DDX10: variants seen among roughly 807,000 people sequenced by gnomAD.
The protein encoded by DDX10 is DEAD-box helicase 10, also known as probable ATP-dependent RNA helicase DDX10.
In DDX10, 74 loss-of-function variants were observed where a neutral mutation model predicts 104.3. The observed-to-expected ratio is 0.71, with a 90% CI of 0.59 to 0.86. The LOEUF is 0.86. Ranked by LOEUF, DDX10 falls within the 40% of genes least tolerant of loss-of-function variation. The pLI is 0.00. For synonymous variants in DDX10, 351 were observed against 353.4 expected, an observed-to-expected ratio of 0.99 and a Z score of 0.08; for missense variants, 952 against 1,040.0, an observed-to-expected ratio of 0.92 and a Z score of 1.16.
intron 16 of DDX10, among the ~76,000 whole-genome samples, chr11:108,864,530 T>C (rs973264176): frequency 6.6e-6 from 1 of 152,072 alleles, no homozygotes; most frequent in Non-Finnish European, 1.5e-5. Context: ...TGGAGTACAG[T>C]GGCGTGATCT....
intron 13 of DDX10, among the ~76,000 whole-genome samples, chr11:108,788,794 C>G (rs1246349168): frequency 6.6e-6 from 1 of 152,198 alleles, no homozygotes; most frequent in East Asian, 1.9e-4. Context: ...TACTTAGCCA[C>G]ACAACTCTTT....
At chr11:108,890,976 T>G (rs1480332568) in intron 16 of DDX10, among the ~76,000 whole-genome samples, 1 of 152,120 alleles carries the variant, frequency 6.6e-6, no homozygotes, top group African/African-American at 2.4e-5. Flanking sequence ...TTCTCCCTGC[T>G]CTCCCTCTGT....
chr11:108,831,975 G>T (rs149951065), intron 13 of DDX10, among the ~76,000 whole-genome samples: 1 of 152,108 alleles, frequency 6.6e-6, no homozygotes, highest in East Asian at 1.9e-4. Flanking sequence ...TCTAGCATAC[G>T]TGTTGTAGAA....
chr11:108,676,933 TAAAC>T (rs2094226143), intron 3 of DDX10, 148 bp from the exon 4 acceptor site: 1 of 638,536 alleles, frequency 1.6e-6, no homozygotes, highest in South Asian at 2.4e-5. Flanking sequence ...TGATGGAAGA[TAAAC>T]AAAATCATTT....
intron 3 of DDX10, among the ~76,000 whole-genome samples, chr11:108,676,298 A>T (rs1396001472): frequency 6.6e-6 from 1 of 152,090 alleles, no homozygotes; most frequent in Non-Finnish European, 1.5e-5. Context: ...GAAAAATCTC[A>T]TTTTAGTTTT....
intron 13 of DDX10, among the ~76,000 whole-genome samples, chr11:108,770,100 A>C (rs1002609646): frequency 2.0e-5 from 3 of 152,208 alleles, no homozygotes; most frequent in African/African-American, 7.2e-5. Context: ...CCTCACACAG[A>C]TTGGTAGTGG....
At chr11:108,737,422 C>T (rs1394352844) in intron 13 of DDX10, among the ~76,000 whole-genome samples, 2 of 152,124 alleles carry the variant, frequency 1.3e-5, no homozygotes, top group Non-Finnish European at 2.9e-5. Context: ...TCTTGATATA[C>T]TGTTGGGCAG....
At chr11:108,803,381 G>A (rs1484528324) in intron 13 of DDX10, among the ~76,000 whole-genome samples, 1 of 151,724 alleles carries the variant, frequency 6.6e-6, no homozygotes, top group Non-Finnish European at 1.5e-5. Flanking sequence ...ATCACCTGCG[G>A]TCGTGAGTTT....
At chr11:108,793,249 C>T (rs1053129427) in intron 13 of DDX10, among the ~76,000 whole-genome samples, 12 of 152,268 alleles carry the variant, frequency 7.9e-5, no homozygotes, top group African/African-American at 2.9e-4. Flanking sequence ...AGCTGGGACT[C>T]ATTATATCCT....
At chr11:108,678,565 G>T in intron 5 of DDX10, 130 bp downstream of exon 5, 1 of 1,050,734 alleles carries the variant, frequency 9.5e-7, no homozygotes. Flanking sequence ...AAAAATTACT[G>T]AAACATTTTG....
intron 13 of DDX10, among the ~76,000 whole-genome samples, chr11:108,743,856 C>CT (rs1294686909): frequency 6.6e-6 from 1 of 152,128 alleles, no homozygotes; most frequent in Non-Finnish European, 1.5e-5. Flanking sequence ...ACACATGCTG[C>CT]TTGAACCCTT....
Position 108,875,383 on chromosome 11 carries a change from G to A in DDX10, c.2304+23174G>A, listed in dbSNP as rs545110329. ...AACCAGAAGGTTTGATGGGTCACAA[G>A]CTTGTGAAAAATTGCAGGTACTTCT... On this transcript the variant is annotated intron_variant, in intron 16 of 17. Coordinates refer to ENST00000322536, the MANE Select transcript of DDX10 (RefSeq NM_004398.4). Among the ~76,000 whole-genome samples, 6 of 152,262 alleles carry A rather than the reference G, an allele frequency of 3.9e-5. No homozygotes were observed. In the South Asian group the frequency reaches 1.2e-3, roughly 32 times the overall value.
intron 13 of DDX10, among the ~76,000 whole-genome samples, chr11:108,783,064 A>G (rs1861729322): frequency 1.3e-5 from 2 of 152,126 alleles, no homozygotes; most frequent in African/African-American, 2.4e-5. Flanking sequence ...GCCTCTTTGA[A>G]TCCGTTTCCT....
At chr11:108,770,922 C>A (rs1043115199) in intron 13 of DDX10, among the ~76,000 whole-genome samples, 6 of 151,794 alleles carry the variant, frequency 4.0e-5, no homozygotes, top group African/African-American at 1.5e-4. Context: ...TGTGGAGTTT[C>A]CAAAGTGTTG....
intron 10 of DDX10, among the ~76,000 whole-genome samples, chr11:108,708,077 C>A (rs1216204163): frequency 6.6e-6 from 1 of 151,938 alleles, no homozygotes; most frequent in Non-Finnish European, 1.5e-5. Flanking sequence ...AAACTGTCTT[C>A]CAAAGTGGCT....
At chr11:108,757,943 C>T (rs190323118) in intron 13 of DDX10, among the ~76,000 whole-genome samples, 2 of 152,120 alleles carry the variant, frequency 1.3e-5, no homozygotes, top group Non-Finnish European at 2.9e-5. Flanking sequence ...ATTGACCTGG[C>T]AAACTTTAAA....
At chr11:108,785,555 G>A (rs1341506707) in intron 13 of DDX10, among the ~76,000 whole-genome samples, 2 of 152,166 alleles carry the variant, frequency 1.3e-5, no homozygotes, top group Middle Eastern at 3.4e-3. Context: ...GATAGAATTC[G>A]GGTGTGAATC....
chr11:108,796,977 C>T lies in DDX10; in HGVS notation c.1966-41469C>T, dbSNP rs190081012. On this transcript the variant is annotated intron_variant, in intron 13 of 17. Transcript: ENST00000322536. Reference sequence around the variant, plus strand: ...ACCTTGATCTTGTACTTCCCAGTCTCTGGAAGTGTGAGGAAATAAACTTCT... The same window carrying T: ...ACCTTGATCTTGTACTTCCCAGTCTTTGGAAGTGTGAGGAAATAAACTTCT... 1.4e-4 allele frequency among the ~76,000 whole-genome samples: 22 copies of T among 152,152 alleles called. No individual in the cohort carries two copies. In the East Asian group the frequency reaches 3.9e-3, roughly 27 times the overall value.
chr11:108,695,004 C>T (rs911400856), intron 9 of DDX10, among the ~76,000 whole-genome samples: 4 of 151,966 alleles, frequency 2.6e-5, no homozygotes, highest in Non-Finnish European at 5.9e-5. Flanking sequence ...TGCTGTTAAG[C>T]TGTAGCAGCA....
Sources: gnomAD v4.1 joint callset for allele counts (sites outside exome capture counted in the v4.1 genomes callset) on GRCh38, gnomAD v4.1.1 for gene constraint, MANE v1.5 for transcripts, NCBI Gene and HGNC (gene_info 2026-07-23, HGNC 2026-07-21) for gene names.